The following ETV3 variants were observed in gnomAD, a reference collection of about 807,000 sequenced individuals.
ETV3 encodes ETS translocation variant 3.
A neutral mutation model predicts 33.0 loss-of-function variants in ETV3; 8 were observed. That is an observed-to-expected ratio of 0.24 (90% CI 0.14 to 0.44). The LOEUF (loss-of-function observed/expected upper bound fraction) is 0.44, where lower values mean the gene tolerates loss of function less well. Ranked by LOEUF, ETV3 falls within the 20% of genes least tolerant of loss-of-function variation. ETV3 has a pLI of 1.00. For synonymous variants in ETV3, 222 were observed against 238.9 expected (o/e 0.93, Z 0.65); for missense variants, 473 against 652.3 (o/e 0.73, Z 2.99).
rs1674712840 is a variant in ETV3, at chr1:157,121,677, C to T, written c.*3164G>A. ...GTACGTTCCATTACTGTTTACAAAA[C>T]AAAAAGCACAAACATAATTATGGAA... On this transcript the variant is annotated 3_prime_UTR_variant, in exon 5 of 5. Coordinates refer to ENST00000368192, the MANE Select transcript of ETV3 (RefSeq NM_001145312.3). The T allele has an allele frequency of 6.6e-6, 1 of 152,130 alleles. No individual in the cohort carries two copies. The highest frequency in any genetic ancestry group is 1.5e-5 in the Non-Finnish European group (1 of 68,002). The allele number at this position is 152,130 out of a possible 1,614,324, so 9.4% of individuals were successfully genotyped here.
At chr1:157,135,855 T>C (rs985435480) in intron 2 of ETV3, 147 bp from the exon 3 acceptor site, 14 of 771,622 alleles carry the variant, frequency 1.8e-5, no homozygotes, top group Non-Finnish European at 2.1e-6. Flanking sequence ...CTAACCACAA[T>C]GGGGAGAGGA....
chr1:157,131,559 T>C (rs1313487823), intron 4 of ETV3, among the ~76,000 whole-genome samples: 1 of 152,236 alleles, frequency 6.6e-6, no homozygotes, highest in Non-Finnish European at 1.5e-5. Context: ...GTATGATCTA[T>C]TAAATAAGGG....
intron 4 of ETV3, among the ~76,000 whole-genome samples, chr1:157,127,699 C>A (rs543943302): frequency 1.3e-5 from 2 of 151,686 alleles, no homozygotes; most frequent in East Asian, 3.9e-4. Context: ...GTGTGTGCTA[C>A]CATGCCCGGC....
intron 4 of ETV3, among the ~76,000 whole-genome samples, chr1:157,131,951 T>C (rs890483528): frequency 1.3e-5 from 2 of 152,210 alleles, no homozygotes; most frequent in Non-Finnish European, 2.9e-5. Context: ...CTAAAAGAAA[T>C]GTACACAGTT....
intron 4 of ETV3, among the ~76,000 whole-genome samples, chr1:157,132,814 ACT>A (rs1162634612): frequency 1.3e-5 from 2 of 151,842 alleles, no homozygotes; most frequent in East Asian, 3.9e-4. Flanking sequence ...TTGAGATGAA[ACT>A]GTAATGATAG....
chr1:157,137,521 C>A lies in ETV3; in HGVS notation c.-14+795G>T, dbSNP rs1307462265. On this transcript the variant is annotated intron_variant, in intron 1 of 4. Coordinates refer to ENST00000368192, the MANE Select transcript of ETV3 (RefSeq NM_001145312.3). ...GCAGACAAGGAAAAACACACACACA[C>A]ACACACACACACACACACACTCTCA... is the stretch of plus-strand genomic sequence containing the variant. Among the ~76,000 whole-genome samples the A allele has an allele frequency of 1.9e-3, 280 of 150,888 alleles. 2 individuals carry two copies. The highest frequency in any genetic ancestry group is 5.5e-3 in the African/African-American group (224 of 40,966).
At chr1:157,135,910 A>ATAAT (rs1162951463) in intron 2 of ETV3, among the ~76,000 whole-genome samples, 2 of 152,186 alleles carry the variant, frequency 1.3e-5, no homozygotes, top group Non-Finnish European at 2.9e-5. Flanking sequence ...ATTAAATCTG[A>ATAAT]TAAGAGTTGG....
In ETV3 at chr1:157,125,761, C is replaced by A. The variant is rs925376464; in HGVS notation, c.619G>T (p.Asp207Tyr). The change falls in exon 5 of 5, where the codon GAT (aspartate) becomes TAT (tyrosine). Residue 207 changes from aspartate to tyrosine, a missense_variant. Asp to Tyr is a radical substitution (Grantham distance 160). Coordinates refer to ENST00000368192, the MANE Select transcript of ETV3 (RefSeq NM_001145312.3). The surrounding 1 kb of genome is among the most constrained non-coding windows in gnomAD (Gnocchi z 4.0). Reference protein sequence around the residue: ...GSAADWRRGVDPVSSRNAIGG... With the variant: ...GSAADWRRGVYPVSSRNAIGG... Reference sequence around the variant, plus strand: ...ATGGCATTCCTGGAGGACACGGGATCCACACCCCGGCGCCAGTCAGCAGCT... The same window carrying A: ...ATGGCATTCCTGGAGGACACGGGATACACACCCCGGCGCCAGTCAGCAGCT... 6 of 1,551,672 alleles carry A rather than the reference C, an allele frequency of 3.9e-6. No individual in the cohort carries two copies. Among genetic ancestry groups the A allele is most frequent in the Non-Finnish European group, 5.2e-6 (6 of 1,146,980 alleles).
chr1:157,130,278 A>C (rs1457050440), intron 4 of ETV3, among the ~76,000 whole-genome samples: 1 of 152,188 alleles, frequency 6.6e-6, no homozygotes, highest in Non-Finnish European at 1.5e-5. Context: ...GGGAGGTGAG[A>C]CTAGAAGCAA....
chr1:157,133,819 C>A, intron 4 of ETV3: 1 of 1,159,754 alleles, frequency 8.6e-7, no homozygotes, highest in Non-Finnish European at 1.1e-6. Context: ...TCATCACAAA[C>A]CTATGAAACA....
In ETV3 at chr1:157,124,729, C is replaced by A; in HGVS notation, c.*112G>T. On this transcript the variant is annotated 3_prime_UTR_variant, in exon 5 of 5. Coordinates refer to ENST00000368192, the MANE Select transcript of ETV3 (RefSeq NM_001145312.3). ...AAACATAAAAATACAAGTCTATGCC[C>A]CTAGAATGATCAAACCAGTTTAACT... 1 of 1,114,700 alleles carries A rather than the reference C, an allele frequency of 9.0e-7. No homozygotes were observed. The highest frequency in any genetic ancestry group is 1.2e-6 in the Non-Finnish European group (1 of 804,772). 69.1% of individuals were successfully genotyped at this position (1,114,700 alleles called of 1,614,324 possible). A position where few individuals can be genotyped will look rare whatever the true frequency, so the allele number is the denominator to read the frequency against.
chr1:157,135,027 G>A (rs538215242), intron 3 of ETV3: 4 of 189,170 alleles, frequency 2.1e-5, no homozygotes, highest in South Asian at 1.1e-4. Context: ...ACACAGTTCC[G>A]GAATAGATAG....
Position 157,133,954 on chromosome 1 carries a change from A to C in ETV3, c.400+158T>G. ...TGAATAGCCTATAACTCTCCTTATA[A>C]GTGAGATGACTTGAGTAAGAACATT... On this transcript the variant is annotated intron_variant, in intron 4 of 4. Transcript: ENST00000368192. The C allele has an allele frequency of 2.8e-6, 4 of 1,447,450 alleles. No homozygotes were observed. The South Asian group carries it at 6.0e-5, about 22-fold the overall frequency. 89.7% of individuals were successfully genotyped at this position (1,447,450 alleles called of 1,614,324 possible).
At position 157,122,546 on chromosome 1, in the gene ETV3, T is replaced by C. The variant is rs1674727946; in HGVS notation, c.*2295A>G. ...AAACAGAAGCAGCATCTAGGAATTC[T>C]GGCACTTGGGTTCTAGGGGGTTACA... On this transcript the variant is annotated 3_prime_UTR_variant, in exon 5 of 5. Transcript: ENST00000368192. 1 of 152,188 alleles carries C rather than the reference T, an allele frequency of 6.6e-6. No homozygotes were observed. The highest frequency in any genetic ancestry group is 1.5e-5 in the Non-Finnish European group (1 of 68,048). The allele number at this position is 152,188 out of a possible 1,614,324, so 9.4% of individuals were successfully genotyped here.
In ETV3 at chr1:157,125,645, A is replaced by G; in HGVS notation, c.735T>C (p.Ser245=). The change falls in exon 5 of 5, where the codon AGT becomes AGC. Residue 245 remains serine (S), a synonymous_variant. Transcript: ENST00000368192. The surrounding 1 kb of genome is among the most constrained non-coding windows in gnomAD (Gnocchi z 4.0). ...ARPGMYPDPH[S]PFAVSPIPGR... Reference sequence around the variant, plus strand: ...CAGGGATTGGAGAGACAGCGAAGGGACTGTGGGGGTCAGGGTACATCCCTG... The same window carrying G: ...CAGGGATTGGAGAGACAGCGAAGGGGCTGTGGGGGTCAGGGTACATCCCTG... 1 of 1,551,668 alleles carries G rather than the reference A, an allele frequency of 6.4e-7. No homozygotes were observed. The highest frequency in any genetic ancestry group is 1.4e-5 in the African/African-American group (1 of 73,146).
chr1:157,129,822 G>C (rs1369439912), intron 4 of ETV3, among the ~76,000 whole-genome samples: 2 of 152,128 alleles, frequency 1.3e-5, no homozygotes, highest in African/African-American at 2.4e-5. Context: ...AAGCAACTTA[G>C]AAATGCTTGG....
At chr1:157,127,224 T>A (rs1169829260) in intron 4 of ETV3, among the ~76,000 whole-genome samples, 3 of 152,252 alleles carry the variant, frequency 2.0e-5, no homozygotes, top group African/African-American at 7.2e-5. Flanking sequence ...TCAAAGACCC[T>A]ATACCTCACA....
Position 157,124,140 on chromosome 1 carries a change from C to T in ETV3, c.*701G>A, listed in dbSNP as rs929713360. On this transcript the variant is annotated 3_prime_UTR_variant, in exon 5 of 5. Coordinates refer to ENST00000368192, the MANE Select transcript of ETV3 (RefSeq NM_001145312.3). ...AGCTGAGAGGTCGCCAGCTCCTGTG[C>T]CTTCCCAGCCCCACTATAATTGGCA... 2.6e-5 allele frequency: 4 copies of T among 151,184 alleles called. No individual in the cohort carries two copies. Among genetic ancestry groups the T allele is most frequent in the South Asian group, 4.2e-4 (2 of 4,788 alleles). 9.4% of individuals were successfully genotyped at this position (151,184 alleles called of 1,614,324 possible).
chr1:157,132,742 T>C (rs951172741), intron 4 of ETV3, among the ~76,000 whole-genome samples: 9 of 139,250 alleles, frequency 6.5e-5, no homozygotes, highest in Non-Finnish European at 9.0e-5. Context: ...TGCATTCCAA[T>C]ACCACTTTTT....
Sources: gnomAD v4.1 joint callset for allele counts (sites outside exome capture counted in the v4.1 genomes callset) on GRCh38, gnomAD v4.1.1 for gene constraint, Gnocchi (gnomAD v3.1) non-coding constraint, MANE v1.5 for transcripts, NCBI Gene and HGNC (gene_info 2026-07-23, HGNC 2026-07-21) for gene names.